KDM4C: variants seen among roughly 807,000 people sequenced by gnomAD.
KDM4C encodes lysine-specific demethylase 4C.
KDM4C carries 81 observed loss-of-function variants against 129.3 expected under a neutral mutation model. The observed-to-expected ratio is 0.63, with a 90% CI of 0.52 to 0.75. The LOEUF (loss-of-function observed/expected upper bound fraction) is 0.75. Ranked by LOEUF, KDM4C falls within the 30% of genes least tolerant of loss-of-function variation. The probability of loss-of-function intolerance (pLI) is 0.00; values close to 1 mark genes in which losing one functional copy is unlikely to be tolerated. For missense variants in KDM4C, 1,457 were observed against 1,304.0 expected, an observed-to-expected ratio of 1.12 and a Z score of -1.81; for synonymous variants, 573 against 456.1, an observed-to-expected ratio of 1.26 and a Z score of -3.26.
intron 3 of KDM4C, among the ~76,000 whole-genome samples, chr9:6,811,879 T>A (rs1831214699): frequency 6.6e-6 from 1 of 152,174 alleles, no homozygotes; most frequent in Non-Finnish European, 1.5e-5. Flanking sequence ...TATGGTTGAA[T>A]CAGTATCGGG....
chr9:6,762,342 A>C (rs1286706622), intron 1 of KDM4C, among the ~76,000 whole-genome samples: 1 of 151,234 alleles, frequency 6.6e-6, no homozygotes, highest in African/African-American at 2.4e-5. Context: ...CAGTTAAAAA[A>C]ATTTCTGTTT....
chr9:7,174,722 G>T lies in KDM4C; in HGVS notation c.3164G>T (p.Arg1055Ile), dbSNP rs1845290795. 1 of 1,613,956 alleles carries T rather than the reference G, an allele frequency of 6.2e-7. No individual in the cohort carries two copies. Among genetic ancestry groups the T allele is most frequent in the Admixed American group, 1.7e-5 (1 of 60,012 alleles). Residue 1055 changes from arginine (R) to isoleucine (I), a missense_variant, in exon 22 of 22, where the codon AGA (arginine) becomes ATA (isoleucine). Arg to Ile is a moderately conservative substitution (Grantham distance 97). Transcript: ENST00000381309. ...TCTTTCCAGAAGAAGTGCCAGAAGA[G>T]ACAGTAGTCTGCATACATCGCTGCA... ...KSSFQKKCQK[R>I]Q
chr9:7,070,966 T>C (rs1294073399), intron 17 of KDM4C, among the ~76,000 whole-genome samples: 1 of 152,174 alleles, frequency 6.6e-6, no homozygotes, highest in Non-Finnish European at 1.5e-5. Context: ...AACCTATGAA[T>C]GAGTGTGTCA....
intron 5 of KDM4C, among the ~76,000 whole-genome samples, chr9:6,860,791 A>G (rs1840783989): frequency 6.6e-6 from 1 of 152,174 alleles, no homozygotes; most frequent in Non-Finnish European, 1.5e-5. Context: ...ATTTTAATTC[A>G]TGTTAAAATG....
chr9:6,759,298 C>T lies in KDM4C; in HGVS notation c.-18+1095C>T, dbSNP rs184252892. On this transcript the variant is annotated intron_variant, in intron 1 of 21. Transcript: ENST00000381309. ...TTTAAAAAAATGTCTAAATTCCGGG[C>T]AGCTTGGCTTTACTGTTTCTATGGC... 7.2e-4 allele frequency among the ~76,000 whole-genome samples: 110 copies of T among 152,296 alleles called. 1 individual carries two copies. Among genetic ancestry groups the T allele is most frequent in the Admixed American group, 7.1e-3 (109 of 15,274 alleles).
chr9:6,792,111 C>G (rs1253758990), intron 1 of KDM4C, among the ~76,000 whole-genome samples: 1 of 152,122 alleles, frequency 6.6e-6, no homozygotes, highest in Non-Finnish European at 1.5e-5. Flanking sequence ...GAGGCAGAGG[C>G]TGGCGGATTG....
At chr9:7,035,720 C>T (rs895106365) in intron 15 of KDM4C, among the ~76,000 whole-genome samples, 7 of 151,936 alleles carry the variant, frequency 4.6e-5, no homozygotes, top group African/African-American at 1.5e-4. Flanking sequence ...CCAATTTTTC[C>T]GGCACTGTTC....
At chr9:7,066,994 T>C (rs1338376340) in intron 17 of KDM4C, among the ~76,000 whole-genome samples, 1 of 152,216 alleles carries the variant, frequency 6.6e-6, no homozygotes, top group Admixed American at 6.5e-5. Context: ...GTGGCCCAGA[T>C]ATTTTTGGAA....
At chr9:6,973,596 G>A (rs1832377825) in intron 8 of KDM4C, among the ~76,000 whole-genome samples, 1 of 152,050 alleles carries the variant, frequency 6.6e-6, no homozygotes, top group Admixed American at 6.6e-5. Context: ...TTAAAAATAT[G>A]GTAACCTAGA....
chr9:6,881,569 T>C (rs1025607333), intron 6 of KDM4C, among the ~76,000 whole-genome samples: 2 of 152,228 alleles, frequency 1.3e-5, no homozygotes, highest in South Asian at 4.1e-4. Context: ...ATGAAGCCGA[T>C]GTAAACCTTA....
intron 2 of KDM4C, among the ~76,000 whole-genome samples, chr9:6,801,147 G>A (rs1828872319): frequency 6.7e-6 from 1 of 148,702 alleles, no homozygotes; most frequent in African/African-American, 2.5e-5. Context: ...GAGTTTCAGA[G>A]TTATAGGTAC....
chr9:6,724,968 C>A (rs1339903132), intron 1 of KDM4C, among the ~76,000 whole-genome samples: 2 of 152,126 alleles, frequency 1.3e-5, no homozygotes, highest in African/African-American at 2.4e-5. Flanking sequence ...GGACTGCACT[C>A]CCTCCAGAGG....
chr9:6,801,622 T>G (rs932970083), intron 2 of KDM4C, among the ~76,000 whole-genome samples: 2 of 151,164 alleles, frequency 1.3e-5, no homozygotes, highest in Admixed American at 6.6e-5. Context: ...AGATATGCTC[T>G]CTCTCTCTCT....
intron 15 of KDM4C, among the ~76,000 whole-genome samples, chr9:7,040,578 T>G (rs1360829515): frequency 6.6e-6 from 1 of 151,996 alleles, no homozygotes; most frequent in Admixed American, 6.6e-5. Context: ...GTGGATCTCC[T>G]GGGGACAAAT....
intron 4 of KDM4C, among the ~76,000 whole-genome samples, chr9:6,833,036 G>A (rs886605430): frequency 6.6e-6 from 1 of 151,810 alleles, no homozygotes; most frequent in Non-Finnish European, 1.5e-5. Flanking sequence ...GTGCCTGGTC[G>A]TAAAGTAGTA....
rs754057808 is a variant in KDM4C at position 6,937,253 on chromosome 9, G to C, written c.922-43672G>C. ...ACTCTCCTTGTTCGTTTTTCTTGCA[G>C]AATTGTCATTCACATTTAAAGTTTG... On this transcript the variant is annotated intron_variant, in intron 8 of 21. Transcript: ENST00000381309. 3.3e-5 allele frequency among the ~76,000 whole-genome samples: 5 copies of C among 152,136 alleles called. No homozygotes were observed. In the East Asian group the frequency reaches 9.6e-4, roughly 29 times the overall value.
At chr9:6,956,399 TA>T (rs1829076387) in intron 8 of KDM4C, among the ~76,000 whole-genome samples, 2 of 152,232 alleles carry the variant, frequency 1.3e-5, no homozygotes, top group East Asian at 3.9e-4. Flanking sequence ...CATAAAAATT[TA>T]AAAAATTAAA....
At chr9:6,813,783 A>C (rs1831589082) in intron 3 of KDM4C, among the ~76,000 whole-genome samples, 1 of 152,188 alleles carries the variant, frequency 6.6e-6, no homozygotes, top group Non-Finnish European at 1.5e-5. Flanking sequence ...CTAATGACTT[A>C]ATATACAATT....
chr9:6,850,474 C>G (rs1016560235), intron 5 of KDM4C, among the ~76,000 whole-genome samples: 1 of 152,004 alleles, frequency 6.6e-6, no homozygotes, highest in African/African-American at 2.4e-5. Context: ...GAGATGAAGT[C>G]TTGCTCTGTC....
Sources: gnomAD v4.1 joint callset for allele counts (sites outside exome capture counted in the v4.1 genomes callset) on GRCh38, gnomAD v4.1.1 for gene constraint, MANE v1.5 for transcripts, NCBI Gene and HGNC (gene_info 2026-07-23, HGNC 2026-07-21) for gene names.